The following CEP63 variants were observed in gnomAD, a reference collection of about 807,000 sequenced individuals.
CEP63 encodes the protein centrosomal protein of 63 kDa.
CEP63 carries 84 observed loss-of-function variants against 89.1 expected under a neutral mutation model. That is an observed-to-expected ratio of 0.94 (90% CI 0.79 to 1.13). The LOEUF (loss-of-function observed/expected upper bound fraction) is 1.13, where lower values mean the gene tolerates loss of function less well. Among genes scored for constraint, CEP63 ranks in the 50% most tolerant of loss-of-function variants. The probability of loss-of-function intolerance (pLI) is 0.00; values close to 1 mark genes in which losing one functional copy is unlikely to be tolerated. For missense variants in CEP63, 838 were observed against 813.3 expected (o/e 1.03, Z -0.37); for synonymous variants, 267 against 272.5 (o/e 0.98, Z 0.20).
chr3:134,605,409 T>C, the CEP63 span, among the ~76,000 whole-genome samples: 31 of 152,242 alleles, frequency 2.0e-4, no homozygotes, highest in African/African-American at 7.5e-4. Context: ...CCCTAGGAAC[T>C]TTCCCCTAGC....
chr3:134,762,530 A>G, the CEP63 span, among the ~76,000 whole-genome samples: 25 of 152,230 alleles, frequency 1.6e-4, no homozygotes, highest in South Asian at 5.2e-3. Flanking sequence ...AAATGAGTTC[A>G]CTAGTAAGAG....
the CEP63 span, among the ~76,000 whole-genome samples, chr3:134,703,388 A>G: frequency 6.6e-6 from 1 of 152,078 alleles, no homozygotes; most frequent in African/African-American, 2.4e-5. Context: ...GTGCCCATCA[A>G]TGATAGACTG....
chr3:134,532,642 G>A, intron 4 of CEP63, 136 bp from the exon 5 acceptor site: 1 of 613,600 alleles, frequency 1.6e-6, no homozygotes. Flanking sequence ...GTTTCCTTTT[G>A]TGTTTTAGTT....
At chr3:134,531,562 A>G (rs1949859429) in intron 3 of CEP63, among the ~76,000 whole-genome samples, 1 of 152,174 alleles carries the variant, frequency 6.6e-6, no homozygotes, top group Non-Finnish European at 1.5e-5. Flanking sequence ...AGCCTGGGCG[A>G]GAGTGAGACT....
intron 9 of CEP63, among the ~76,000 whole-genome samples, chr3:134,548,436 A>G (rs1954071240): frequency 6.6e-6 from 1 of 152,132 alleles, no homozygotes; most frequent in South Asian, 2.1e-4. Flanking sequence ...AACACTTGTC[A>G]TTGTCGTACT....
the CEP63 span, among the ~76,000 whole-genome samples, chr3:134,611,816 G>A: frequency 3.9e-5 from 6 of 152,228 alleles, no homozygotes; most frequent in Admixed American, 3.3e-4. Flanking sequence ...AGAGGGCCAC[G>A]GAGCCTCCCA....
intron 1 of CEP63, 130 bp downstream of exon 1, chr3:134,486,332 G>C: frequency 1.0e-6 from 1 of 985,558 alleles, no homozygotes; most frequent in Non-Finnish European, 1.2e-6. Context: ...TTCTGGCTTC[G>C]CGGCCTCATG....
chr3:134,754,897 G>T, the CEP63 span, among the ~76,000 whole-genome samples: 1 of 152,214 alleles, frequency 6.6e-6, no homozygotes, highest in Non-Finnish European at 1.5e-5. Context: ...CCTCCAGAGG[G>T]CTAGGAGGGA....
the CEP63 span, among the ~76,000 whole-genome samples, chr3:134,697,305 A>T: frequency 0.046 from 7,033 of 152,208 alleles, 303 homozygotes; most frequent in Non-Finnish European, 0.058. Flanking sequence ...AGATAAGCTT[A>T]GTGTTGGGTG....
the CEP63 span, among the ~76,000 whole-genome samples, chr3:134,776,138 C>G: frequency 1.3e-5 from 2 of 152,210 alleles, no homozygotes; most frequent in African/African-American, 4.8e-5. Context: ...TGCACCGCAA[C>G]CCATCTCTAT....
chr3:134,660,525 C>T, the CEP63 span, among the ~76,000 whole-genome samples: 58 of 152,302 alleles, frequency 3.8e-4, no homozygotes, highest in African/African-American at 1.3e-3. Context: ...ATTATTTGCC[C>T]CCAAGGATAG....
intron 9 of CEP63, 102 bp from the exon 10 acceptor site, chr3:134,548,960 T>G: frequency 1.4e-6 from 1 of 734,572 alleles, no homozygotes; most frequent in Admixed American, 2.0e-5. Flanking sequence ...TTTAAGATAT[T>G]GGCTGGATAT....
intron 6 of CEP63, among the ~76,000 whole-genome samples, chr3:134,544,180 T>C (rs1413396459): frequency 6.6e-6 from 1 of 152,222 alleles, no homozygotes; most frequent in Non-Finnish European, 1.5e-5. Flanking sequence ...GAGATATTTC[T>C]ACTTGTATTT....
the CEP63 span, among the ~76,000 whole-genome samples, chr3:134,754,629 C>T: frequency 6.6e-6 from 1 of 152,034 alleles, no homozygotes; most frequent in African/African-American, 2.4e-5. Flanking sequence ...GGTGGGTGTC[C>T]GAGGGACACT....
chr3:134,750,762 G>A, the CEP63 span, among the ~76,000 whole-genome samples: 1 of 152,150 alleles, frequency 6.6e-6, no homozygotes, highest in Non-Finnish European at 1.5e-5. Context: ...GAAGTGCTGG[G>A]CATTTCTGGG....
chr3:134,543,507 A>G (rs868704166), intron 6 of CEP63, among the ~76,000 whole-genome samples: 2 of 152,218 alleles, frequency 1.3e-5, no homozygotes, highest in African/African-American at 2.4e-5. Context: ...GAAGTTTATT[A>G]GTATTTAGCA....
chr3:134,528,273 A>G (rs571694009), intron 3 of CEP63, among the ~76,000 whole-genome samples: 19 of 151,918 alleles, frequency 1.3e-4, no homozygotes, highest in South Asian at 1.0e-3. Flanking sequence ...TTAGGAGCAC[A>G]CCAGTTGTCT....
At chr3:134,694,157 C>T in the CEP63 span, among the ~76,000 whole-genome samples, 1 of 152,162 alleles carries the variant, frequency 6.6e-6, no homozygotes, top group African/African-American at 2.4e-5. Context: ...TCTCAATGGC[C>T]CCTTGAGGTT....
At chr3:134,674,247 A>G in the CEP63 span, among the ~76,000 whole-genome samples, 1 of 152,244 alleles carries the variant, frequency 6.6e-6, no homozygotes, top group Non-Finnish European at 1.5e-5. Context: ...TACATCATGA[A>G]GAAGTGGGAT....
Sources: allele counts gnomAD v4.1 joint callset (sites outside exome capture counted in the v4.1 genomes callset), GRCh38; gene constraint gnomAD v4.1.1; transcripts MANE v1.5; gene names NCBI Gene and HGNC (gene_info 2026-07-23, HGNC 2026-07-21).